Variants in DLGAP2 observed in about 807,000 individuals in gnomAD.
DLGAP2 encodes the protein disks large-associated protein 2.
In DLGAP2, 26 loss-of-function variants were observed where a neutral mutation model predicts 100.3. That is an observed-to-expected ratio of 0.26 (90% CI 0.19 to 0.36). The LOEUF (loss-of-function observed/expected upper bound fraction) is 0.36, where lower values mean the gene tolerates loss of function less well. Ranked by LOEUF, DLGAP2 falls within the 10% of genes least tolerant of loss-of-function variation. The pLI is 1.00. For synonymous variants in DLGAP2, 886 were observed against 630.1 expected, an observed-to-expected ratio of 1.41 and a Z score of -6.08; for missense variants, 1,858 against 1,453.2, an observed-to-expected ratio of 1.28 and a Z score of -4.53.
chr8:954,902 T>C (rs1338174798), intron 2 of DLGAP2, among the ~76,000 whole-genome samples: 1 of 152,200 alleles, frequency 6.6e-6, no homozygotes, highest in Non-Finnish European at 1.5e-5. Flanking sequence ...AATATTTGAC[T>C]AAATTAGAAA....
chr8:1,699,421 C>G lies in DLGAP2; in HGVS notation c.2950-1767C>G, dbSNP rs143503811. 1.0e-3 allele frequency among the ~76,000 whole-genome samples: 157 copies of G among 150,278 alleles called. 2 individuals are homozygous for G. The highest frequency in any genetic ancestry group is 3.7e-3 in the African/African-American group (149 of 40,724). On this transcript the variant is annotated intron_variant, in intron 14 of 14. Coordinates refer to ENST00000637795, the MANE Select transcript of DLGAP2 (RefSeq NM_001346810.2). ...GAGATCAAGATCATACTGGCTAACA[C>G]GGTGAAACCCTGTCTCTATTAAAAA...
intron 2 of DLGAP2, among the ~76,000 whole-genome samples, chr8:1,221,330 G>T (rs529531854): frequency 1.5e-4 from 23 of 152,230 alleles, no homozygotes; most frequent in African/African-American, 4.6e-4. Context: ...TGTCTGAAAA[G>T]GATTTATTTT....
chr8:1,375,125 C>CATCAGCCATGAAAGGAATCAGAAT, intron 3 of DLGAP2, among the ~76,000 whole-genome samples: 1 of 141,832 alleles, frequency 7.1e-6, no homozygotes, highest in Non-Finnish European at 1.5e-5. Flanking sequence ...TTTGGGTTAA[C>CATCAGCCATGAAAGGAATCAGAAT]GACACCTCTC....
chr8:969,567 A>T (rs985858458), intron 2 of DLGAP2, among the ~76,000 whole-genome samples: 2 of 152,150 alleles, frequency 1.3e-5, no homozygotes, highest in Non-Finnish European at 2.9e-5. Flanking sequence ...TATAAACTTA[A>T]ATAATTATAT....
chr8:1,320,947 G>T (rs374998596), intron 3 of DLGAP2, among the ~76,000 whole-genome samples: 4 of 152,310 alleles, frequency 2.6e-5, no homozygotes, highest in African/African-American at 9.6e-5. Context: ...ACATGTATCT[G>T]TGTGTGTGCA....
rs1804140035 is a variant in DLGAP2 at position 1,090,430 on chromosome 8, G to A, written c.74-168421G>A. On this transcript the variant is annotated intron_variant, in intron 2 of 14. Transcript: ENST00000637795. Reference sequence around the variant, plus strand: ...CTCTGGGGCCCTCCTGGCCAGGCAGGGCAGGCTCTTGGGCTCCTTAGCTTT... The same window carrying A: ...CTCTGGGGCCCTCCTGGCCAGGCAGAGCAGGCTCTTGGGCTCCTTAGCTTT... Among the ~76,000 whole-genome samples, 2 of 152,278 alleles carry A rather than the reference G, an allele frequency of 1.3e-5. 1 individual carries two copies. The highest frequency in any genetic ancestry group is 4.1e-4 in the South Asian group (2 of 4,838).
intron 5 of DLGAP2, among the ~76,000 whole-genome samples, chr8:1,563,557 C>A (rs989904374): frequency 1.5e-4 from 23 of 151,868 alleles, no homozygotes; most frequent in African/African-American, 5.1e-4. Context: ...GGTGTCCGCG[C>A]CTCGTTGCTG....
intron 2 of DLGAP2, among the ~76,000 whole-genome samples, chr8:1,158,402 T>G (rs1796832178): frequency 6.6e-6 from 1 of 152,246 alleles, no homozygotes; most frequent in African/African-American, 2.4e-5. Context: ...AGATGTTTTA[T>G]TGACTTATAT....
At chr8:1,221,553 G>A (rs1369430350) in intron 2 of DLGAP2, among the ~76,000 whole-genome samples, 2 of 152,008 alleles carry the variant, frequency 1.3e-5, no homozygotes, top group East Asian at 1.9e-4. Flanking sequence ...TGACTTTGGA[G>A]AACCTGATGA....
chr8:749,287 G>T (rs933505320), intron 1 of DLGAP2, among the ~76,000 whole-genome samples: 4 of 152,152 alleles, frequency 2.6e-5, no homozygotes, highest in African/African-American at 9.7e-5. Flanking sequence ...CATTGCACCT[G>T]GCCTTCTTTT....
At chr8:1,208,466 A>G (rs1292252427) in intron 2 of DLGAP2, among the ~76,000 whole-genome samples, 1 of 152,238 alleles carries the variant, frequency 6.6e-6, no homozygotes, top group Non-Finnish European at 1.5e-5. Flanking sequence ...TTGGCATAGA[A>G]GGGACATACT....
chr8:1,701,371 G>C lies in DLGAP2; in HGVS notation c.3133G>C (p.Glu1045Gln), dbSNP rs1342968307. ...NSASERADSI[E>Q]IYIPEAQTRL ...CGCCTCCGAGCGCGCGGACAGCATC[G>C]AGATCTACATCCCCGAGGCCCAGAC... is the stretch of plus-strand genomic sequence containing the variant. The change falls in exon 15 of 15, where the codon GAG becomes CAG. Residue 1045 changes from glutamate to glutamine, a missense_variant. Coordinates refer to ENST00000637795, the MANE Select transcript of DLGAP2 (RefSeq NM_001346810.2). The C allele has an allele frequency of 1.3e-6, 2 of 1,598,210 alleles. No individual in the cohort carries two copies. The highest frequency in any genetic ancestry group is 1.3e-5 in the African/African-American group (1 of 74,590).
intron 2 of DLGAP2, among the ~76,000 whole-genome samples, chr8:1,197,149 G>A (rs373563408): frequency 3.0e-5 from 2 of 67,398 alleles, no homozygotes; most frequent in Non-Finnish European, 6.3e-5. Context: ...GCAGAGTCCA[G>A]TGCAGGTCTC....
At chr8:1,030,157 A>G (rs752622767) in intron 2 of DLGAP2, among the ~76,000 whole-genome samples, 7 of 152,224 alleles carry the variant, frequency 4.6e-5, no homozygotes, top group Non-Finnish European at 1.0e-4. Flanking sequence ...CTCCTCTTAC[A>G]ACAGTCTAAG....
At chr8:1,160,086 TC>T (rs1796860786) in intron 2 of DLGAP2, among the ~76,000 whole-genome samples, 1 of 152,204 alleles carries the variant, frequency 6.6e-6, no homozygotes, top group African/African-American at 2.4e-5. Context: ...AACTTCCATC[TC>T]CCACAGCCCG....
intron 3 of DLGAP2, among the ~76,000 whole-genome samples, chr8:1,323,367 G>C (rs1800949644): frequency 6.6e-6 from 1 of 152,092 alleles, no homozygotes; most frequent in Admixed American, 6.6e-5. Context: ...AAACAACCAC[G>C]ATGCACATCC....
chr8:1,111,926 A>G (rs756495900), intron 2 of DLGAP2, among the ~76,000 whole-genome samples: 1 of 152,112 alleles, frequency 6.6e-6, no homozygotes, highest in African/African-American at 2.4e-5. Flanking sequence ...ATACCCGCTA[A>G]TAGAATTGCT....
intron 3 of DLGAP2, chr8:1,377,920 C>G (rs1795996760): frequency 6.6e-6 from 1 of 152,290 alleles, no homozygotes; most frequent in African/African-American, 2.4e-5. Context: ...GTGGCAGCCC[C>G]AAATCAGCTG....
At chr8:1,346,182 C>G (rs547451741) in intron 3 of DLGAP2, among the ~76,000 whole-genome samples, 5 of 152,320 alleles carry the variant, frequency 3.3e-5, no homozygotes, top group African/African-American at 1.2e-4. Flanking sequence ...GTTTGAGTTC[C>G]CATACAGAGC....
Sources: gnomAD v4.1 joint callset for allele counts (sites outside exome capture counted in the v4.1 genomes callset) on GRCh38, gnomAD v4.1.1 for gene constraint, MANE v1.5 for transcripts, NCBI Gene and HGNC (gene_info 2026-07-23, HGNC 2026-07-21) for gene names.